The following EDIL3 variants were observed in gnomAD, a reference collection of about 807,000 sequenced individuals.
The protein encoded by EDIL3 is EGF like and discoidin domains 3.
A neutral mutation model predicts 67.4 loss-of-function variants in EDIL3; 37 were observed. The ratio of observed to expected loss-of-function variants is 0.55; its 90% CI spans 0.42 to 0.72. The LOEUF (loss-of-function observed/expected upper bound fraction) is 0.72. EDIL3 is among the 30% of genes least tolerant of loss of function. The pLI is 0.00. For missense variants in EDIL3, 527 were observed against 586.3 expected (o/e 0.90, Z 1.04); for synonymous variants, 195 against 196.3 (o/e 0.99, Z 0.05).
At chr5:84,201,716 G>A (rs1268851505) in intron 3 of EDIL3, among the ~76,000 whole-genome samples, 1 of 152,062 alleles carries the variant, frequency 6.6e-6, no homozygotes, top group African/African-American at 2.4e-5. Flanking sequence ...AACTTGAAAG[G>A]TTCCAAATTC....
chr5:84,050,387 C>T (rs529471812), intron 9 of EDIL3, among the ~76,000 whole-genome samples: 8 of 152,244 alleles, frequency 5.3e-5, no homozygotes, highest in Non-Finnish European at 8.8e-5. Context: ...CCAGTGTGAG[C>T]GACACAGAAG....
intron 6 of EDIL3, among the ~76,000 whole-genome samples, chr5:84,073,364 AG>A (rs1304051666): frequency 6.6e-6 from 1 of 152,202 alleles, no homozygotes; most frequent in Non-Finnish European, 1.5e-5. Flanking sequence ...AGGAAGGAGA[AG>A]GAAATAAAGT....
At chr5:84,144,498 T>C (rs1748258685) in intron 4 of EDIL3, among the ~76,000 whole-genome samples, 2 of 152,098 alleles carry the variant, frequency 1.3e-5, no homozygotes, top group African/African-American at 4.8e-5. Context: ...ACTCCAAATA[T>C]CAAAACTAAA....
At chr5:84,177,538 C>T (rs1350693897) in intron 4 of EDIL3, among the ~76,000 whole-genome samples, 1 of 152,066 alleles carries the variant, frequency 6.6e-6, no homozygotes, top group Admixed American at 6.6e-5. Flanking sequence ...TCAAATCCCA[C>T]AGAACTATAC....
At chr5:84,116,205 A>AAC (rs1747661497) in intron 5 of EDIL3, among the ~76,000 whole-genome samples, 1 of 151,272 alleles carries the variant, frequency 6.6e-6, no homozygotes, top group South Asian at 2.1e-4. Context: ...AAAAAAAAAA[A>AAC]AAAACCCCAA....
At chr5:83,970,159 T>C (rs1580258206) in intron 9 of EDIL3, among the ~76,000 whole-genome samples, 1 of 151,326 alleles carries the variant, frequency 6.6e-6, no homozygotes, top group African/African-American at 2.4e-5. Context: ...TTCTGTATAT[T>C]TTTGACAATT....
intron 1 of EDIL3, among the ~76,000 whole-genome samples, chr5:84,281,855 CTTTTTTTTT>C (rs10708663): frequency 1.4e-5 from 1 of 72,574 alleles, no homozygotes; most frequent in Non-Finnish European, 2.4e-5. Context: ...TTTTATTTCA[CTTTTTTTTT>C]TTTTTTTTTT....
intron 6 of EDIL3, among the ~76,000 whole-genome samples, chr5:84,072,989 T>C (rs1019336483): frequency 3.3e-5 from 5 of 152,186 alleles, no homozygotes; most frequent in Non-Finnish European, 7.4e-5. Flanking sequence ...ACAGGTAAAG[T>C]TCACAGGAAG....
intron 9 of EDIL3, among the ~76,000 whole-genome samples, chr5:84,038,690 A>T (rs1314152833): frequency 6.6e-6 from 1 of 152,242 alleles, no homozygotes; most frequent in Non-Finnish European, 1.5e-5. Context: ...CTGATAGTTA[A>T]GTAGAGCTGC....
intron 9 of EDIL3, among the ~76,000 whole-genome samples, chr5:84,015,422 A>C (rs1052571475): frequency 6.6e-6 from 1 of 152,212 alleles, no homozygotes; most frequent in African/African-American, 2.4e-5. Context: ...ATTTATTTGT[A>C]AGTTTATTTG....
intron 9 of EDIL3, among the ~76,000 whole-genome samples, chr5:84,013,347 A>G (rs1392748579): frequency 6.6e-6 from 1 of 152,148 alleles, no homozygotes; most frequent in Non-Finnish European, 1.5e-5. Context: ...TGGTCTATGT[A>G]ATAAATGTCA....
intron 2 of EDIL3, among the ~76,000 whole-genome samples, chr5:84,246,336 C>T (rs73142630): frequency 0.035 from 5,356 of 152,282 alleles, 307 homozygotes; most frequent in African/African-American, 0.12. Context: ...ACTGCCACTA[C>T]GTAATAGTAG....
intron 3 of EDIL3, among the ~76,000 whole-genome samples, chr5:84,227,734 T>C (rs1282733143): frequency 2.0e-5 from 3 of 152,068 alleles, no homozygotes; most frequent in Non-Finnish European, 4.4e-5. Context: ...TACAGAATAA[T>C]ATACAGTCAT....
chr5:84,358,592 CTTTTTTTTTT>C (rs756013675), intron 1 of EDIL3, among the ~76,000 whole-genome samples: 2 of 94,570 alleles, frequency 2.1e-5, no homozygotes, highest in African/African-American at 3.9e-5. Flanking sequence ...CATTTTTATC[CTTTTTTTTTT>C]TTTTTTTTTT....
At chr5:84,358,592 CTTTTTTTTTTTTTTTTTTTT>C (rs756013675) in intron 1 of EDIL3, among the ~76,000 whole-genome samples, 15 of 94,570 alleles carry the variant, frequency 1.6e-4, no homozygotes, top group African/African-American at 5.1e-4. Context: ...CATTTTTATC[CTTTTTTTTTTTTTTTTTTTT>C]TTTTTTTTTG....
intron 1 of EDIL3, among the ~76,000 whole-genome samples, chr5:84,361,449 G>C (rs1045853220): frequency 2.0e-5 from 3 of 151,974 alleles, no homozygotes; most frequent in Non-Finnish European, 4.4e-5. Context: ...CAAAATGATT[G>C]AAGTGCAACC....
intron 1 of EDIL3, among the ~76,000 whole-genome samples, chr5:84,351,423 T>C (rs114516855): frequency 7.2e-5 from 11 of 152,254 alleles, no homozygotes; most frequent in Admixed American, 5.9e-4. Context: ...TTTTCATCTA[T>C]GTAGGAAATA....
intron 9 of EDIL3, among the ~76,000 whole-genome samples, chr5:84,043,959 G>A (rs977483174): frequency 6.6e-6 from 1 of 151,970 alleles, no homozygotes; most frequent in Admixed American, 6.6e-5. Context: ...GTAACATAGG[G>A]ATACATGTGC....
At chr5:84,000,077 TAAAG>T (rs1169939629) in intron 9 of EDIL3, among the ~76,000 whole-genome samples, 1 of 151,518 alleles carries the variant, frequency 6.6e-6, no homozygotes, top group Non-Finnish European at 1.5e-5. Context: ...GAAGGAGAAA[TAAAG>T]ACTTTCCCAG....
Sources: allele counts gnomAD v4.1 joint callset (sites outside exome capture counted in the v4.1 genomes callset), GRCh38; gene constraint gnomAD v4.1.1; transcripts MANE v1.5; gene names NCBI Gene and HGNC (gene_info 2026-07-23, HGNC 2026-07-21).